Variants in FGF2 observed in about 807,000 individuals in gnomAD.
The protein encoded by FGF2 is basic fibroblast growth factor bFGF.
FGF2 carries 13 observed loss-of-function variants against 15.9 expected under a neutral mutation model. The ratio of observed to expected loss-of-function variants is 0.82; its 90% CI spans 0.53 to 1.30. FGF2 has a LOEUF of 1.30. Ranked by LOEUF, FGF2 falls within the 50% of genes most tolerant of loss-of-function variation. The pLI is 0.00. For synonymous variants in FGF2, 90 were observed against 78.4 expected (o/e 1.15, Z -0.78); for missense variants, 163 against 196.9 (o/e 0.83, Z 1.03).
chr4:122,859,333 GA>G (rs1227218545), intron 1 of FGF2, among the ~76,000 whole-genome samples: 4 of 152,104 alleles, frequency 2.6e-5, no homozygotes, highest in African/African-American at 9.7e-5. Flanking sequence ...ATAATAGATT[GA>G]GAAATTATAT....
chr4:122,844,326 C>G (rs527392976), intron 1 of FGF2, among the ~76,000 whole-genome samples: 2 of 152,234 alleles, frequency 1.3e-5, no homozygotes, highest in South Asian at 4.2e-4. Flanking sequence ...ACTTCAAATT[C>G]TAGTTCTCTT....
intron 2 of FGF2, chr4:122,888,903 T>G (rs2150790910): frequency 6.6e-6 from 1 of 152,320 alleles, no homozygotes; most frequent in Non-Finnish European, 1.5e-5. Context: ...AGAATTTGAG[T>G]GGCATAAAGG....
intron 1 of FGF2, among the ~76,000 whole-genome samples, chr4:122,842,665 G>GT (rs1297423446): frequency 1.3e-5 from 2 of 152,140 alleles, no homozygotes; most frequent in Non-Finnish European, 2.9e-5. Flanking sequence ...CTTCTCTGTG[G>GT]TAACTATGTT....
chr4:122,887,004 A>G (rs2150789908), intron 2 of FGF2, among the ~76,000 whole-genome samples: 1 of 152,112 alleles, frequency 6.6e-6, no homozygotes, highest in East Asian at 1.9e-4. Context: ...ATATTTCTAT[A>G]TTTGGCCATC....
intron 1 of FGF2, among the ~76,000 whole-genome samples, chr4:122,864,784 G>GTT (rs1726537916): frequency 6.6e-6 from 1 of 151,908 alleles, no homozygotes; most frequent in South Asian, 2.1e-4. Flanking sequence ...TTTTAATTGA[G>GTT]AAATTCTCTC....
intron 1 of FGF2, among the ~76,000 whole-genome samples, chr4:122,832,074 G>A (rs972118813): frequency 2.0e-5 from 3 of 152,056 alleles, no homozygotes; most frequent in South Asian, 4.2e-4. Flanking sequence ...TGTACAAGCT[G>A]GTAATTACAC....
chr4:122,881,142 G>A lies in FGF2; in HGVS notation c.282+4718G>A, dbSNP rs545682553. 3.3e-5 allele frequency among the ~76,000 whole-genome samples: 5 copies of A among 152,286 alleles called. No homozygotes were observed. In the East Asian group the frequency reaches 7.7e-4, roughly 24 times the overall value. ...AGTCCCTAGACTGTACATAGCAGAG[G>A]GACCCTGAGCCCAGCTCATGAAACC... On this transcript the variant is annotated intron_variant, in intron 2 of 2. Transcript: ENST00000644866.
intron 2 of FGF2, among the ~76,000 whole-genome samples, chr4:122,885,084 A>T (rs965611809): frequency 1.3e-5 from 2 of 152,232 alleles, no homozygotes; most frequent in African/African-American, 4.8e-5. Context: ...ACTCTTGGAA[A>T]GGTCATCTGG....
chr4:122,869,449 T>C (rs1726678098), intron 1 of FGF2, among the ~76,000 whole-genome samples: 1 of 152,246 alleles, frequency 6.6e-6, no homozygotes, highest in African/African-American at 2.4e-5. Flanking sequence ...TTCACGATAG[T>C]GATTCTTCCT....
At position 122,827,471 on chromosome 4, in the gene FGF2, T is replaced by C. The variant is rs1218976719; in HGVS notation, c.178+119T>C. Reference sequence around the variant, plus strand: ...ACTGCGACCCTAGCGCTCCGTGTGGTTTCTGGCCGCGCGGCCCTCGGCGGT... The same window carrying C: ...ACTGCGACCCTAGCGCTCCGTGTGGCTTCTGGCCGCGCGGCCCTCGGCGGT... On this transcript the variant is annotated intron_variant, in intron 1 of 2. Transcript: ENST00000644866. The surrounding 1 kb of genome is among the most constrained non-coding windows in gnomAD (Gnocchi z 4.2). The C allele has an allele frequency of 3.3e-6, 4 of 1,200,400 alleles. No individual in the cohort carries two copies. In the Middle Eastern group the frequency reaches 7.7e-4, roughly 231 times the overall value. 74.4% of individuals were successfully genotyped at this position (1,200,400 alleles called of 1,614,324 possible).
intron 1 of FGF2, among the ~76,000 whole-genome samples, chr4:122,833,340 A>G (rs537281402): frequency 1.3e-5 from 2 of 152,356 alleles, no homozygotes; most frequent in East Asian, 3.9e-4. Context: ...AAGAGAAGCT[A>G]TGTGAATATT....
At chr4:122,889,990 GA>G (rs1727135473) in intron 2 of FGF2, 1 of 152,134 alleles carries the variant, frequency 6.6e-6, no homozygotes, top group Non-Finnish European at 1.5e-5. Context: ...ATCAGTCTAT[GA>G]AGTTCCATGG....
intron 1 of FGF2, among the ~76,000 whole-genome samples, chr4:122,828,480 G>T (rs1660493079): frequency 2.6e-5 from 4 of 152,172 alleles, no homozygotes. Context: ...TGGAGAATCT[G>T]ATTCTCTCAT....
intron 1 of FGF2, among the ~76,000 whole-genome samples, chr4:122,834,616 T>C (rs1005521246): frequency 1.3e-5 from 2 of 152,236 alleles, no homozygotes; most frequent in African/African-American, 4.8e-5. Context: ...GTTCTCCTTT[T>C]GAAACTGCCT....
At chr4:122,843,788 CATT>C (rs1469834854) in intron 1 of FGF2, among the ~76,000 whole-genome samples, 1 of 152,124 alleles carries the variant, frequency 6.6e-6, no homozygotes, top group African/African-American at 2.4e-5. Flanking sequence ...TGTACAGTAG[CATT>C]ATATATGTTA....
At chr4:122,826,824 G>A (rs574867967), upstream of FGF2, 3 of 1,463,126 alleles carry the variant, frequency 2.1e-6, no homozygotes, top group South Asian at 1.3e-5. Context: ...GCCGCGGCCC[G>A]GCGGGTGCCA....
chr4:122,895,637 C>G lies in FGF2; in HGVS notation c.*3241C>G, dbSNP rs1335234779. 6.6e-6 allele frequency: 1 copy of G among 152,080 alleles called. No individual in the cohort carries two copies. The highest frequency in any genetic ancestry group is 1.5e-5 in the Non-Finnish European group (1 of 68,018). 9.4% of individuals were successfully genotyped at this position (152,080 alleles called of 1,614,324 possible). On this transcript the variant is annotated 3_prime_UTR_variant, in exon 3 of 3. Transcript: ENST00000644866. ...TTTGTCAATTTTAATCTTGTGGATA[C>G]CTTTATACTCTTAGGGTATTATTTT...
intron 1 of FGF2, among the ~76,000 whole-genome samples, chr4:122,875,863 A>T (rs1431107830): frequency 6.6e-6 from 1 of 152,236 alleles, no homozygotes; most frequent in Non-Finnish European, 1.5e-5. Context: ...ATTTTGTTTC[A>T]TTTGTGAAGA....
At chr4:122,858,068 AT>A (rs1726376582) in intron 1 of FGF2, among the ~76,000 whole-genome samples, 1 of 152,086 alleles carries the variant, frequency 6.6e-6, no homozygotes, top group South Asian at 2.1e-4. Context: ...CTTTCATATT[AT>A]GCCCAATTTT....
Sources: gnomAD v4.1 joint callset for allele counts (sites outside exome capture counted in the v4.1 genomes callset) on GRCh38, gnomAD v4.1.1 for gene constraint, Gnocchi (gnomAD v3.1) non-coding constraint, MANE v1.5 for transcripts, NCBI Gene and HGNC (gene_info 2026-07-23, HGNC 2026-07-21) for gene names.